Variants in AIMP1 observed in about 807,000 individuals in gnomAD.
The protein encoded by AIMP1 is aminoacyl tRNA synthase complex-interacting multifunctional protein 1.
A neutral mutation model predicts 33.1 loss-of-function variants in AIMP1; 24 were observed. The observed-to-expected ratio is 0.73, with a 90% CI of 0.53 to 1.02. The LOEUF (loss-of-function observed/expected upper bound fraction) is 1.02, where lower values mean the gene tolerates loss of function less well. Among genes scored for constraint, AIMP1 ranks in the 50% least tolerant of loss-of-function variants. AIMP1 has a pLI of 0.00. For synonymous variants in AIMP1, 120 were observed against 121.5 expected, an observed-to-expected ratio of 0.99 and a Z score of 0.08; for missense variants, 367 against 364.8, an observed-to-expected ratio of 1.01 and a Z score of -0.05.
At position 106,316,594 on chromosome 4, in the gene AIMP1, T is replaced by G. The variant is rs1421886910; in HGVS notation, c.-26T>G. ...TCGGAACCCGTGGTCCTCCGCTTCATGTGAGTGACGTCGTGGCGGGTCACT... is the reference window on the plus strand; with the variant it reads ...TCGGAACCCGTGGTCCTCCGCTTCAGGTGAGTGACGTCGTGGCGGGTCACT... On this transcript the variant is annotated splice_region_variant and 5_prime_UTR_variant, in exon 1 of 7. The change abolishes an upstream ATG in the 5' untranslated region. Coordinates refer to ENST00000672341, the MANE Select transcript of AIMP1 (RefSeq NM_001142416.2). 1.3e-5 allele frequency: 20 copies of G among 1,551,388 alleles called. No homozygotes were observed. The highest frequency in any genetic ancestry group is 1.7e-5 in the Non-Finnish European group (20 of 1,146,902).
intron 1 of AIMP1, among the ~76,000 whole-genome samples, chr4:106,320,180 TCA>T (rs1208883235): frequency 1.1e-4 from 17 of 152,264 alleles, no homozygotes; most frequent in African/African-American, 4.1e-4. Context: ...AATTGAAAAA[TCA>T]CAGGGGAGTA....
chr4:106,319,321 C>T (rs1579624417), intron 1 of AIMP1, among the ~76,000 whole-genome samples: 1 of 152,138 alleles, frequency 6.6e-6, no homozygotes, highest in East Asian at 1.9e-4. Context: ...GCTCAGTAAA[C>T]AAAAATGATA....
chr4:106,315,552 C>T (rs1003664665), upstream of AIMP1: 1 of 152,242 alleles, frequency 6.6e-6, no homozygotes, highest in Admixed American at 6.5e-5. Flanking sequence ...TCACTTTCTC[C>T]TACTGCTCAA....
chr4:106,321,978 C>T (rs1179486617), intron 1 of AIMP1, among the ~76,000 whole-genome samples: 1 of 131,524 alleles, frequency 7.6e-6, no homozygotes, highest in Non-Finnish European at 1.7e-5. Context: ...GTGCTGTGTC[C>T]GCTAAGGGTT....
rs976250470 is a variant in AIMP1, at chr4:106,331,891, G to A, written c.603+8G>A. The A allele has an allele frequency of 1.2e-6, 2 of 1,612,376 alleles. No individual in the cohort carries two copies. The highest frequency in any genetic ancestry group is 3.3e-5 in the Admixed American group (2 of 60,004). The stretch of plus-strand genomic sequence containing the variant: ...CATGTTCCTCTTGAACAGGTAATCT[G>A]TACAACTGAAATTCCTGTTGTGTAC... On this transcript the variant is annotated splice_region_variant and intron_variant, in intron 5 of 6. Transcript: ENST00000672341.
chr4:106,344,599 A>G (rs1770224375), intron 6 of AIMP1, among the ~76,000 whole-genome samples: 1 of 152,130 alleles, frequency 6.6e-6, no homozygotes, highest in Non-Finnish European at 1.5e-5. Flanking sequence ...TCTTCCATTT[A>G]TTTTCAATTA....
Position 106,328,068 on chromosome 4 carries a change from TGTCTCA to T in AIMP1, c.224-5_224del. 1.2e-6 allele frequency: 2 copies of T among 1,610,900 alleles called. No individual in the cohort carries two copies. The highest frequency in any genetic ancestry group is 2.7e-5 in the African/African-American group (2 of 74,972). On this transcript the variant is annotated splice_acceptor_variant and splice_polypyrimidine_tract_variant and intron_variant, in intron 3 of 6. Transcript: ENST00000672341. LOFTEE classifies it high-confidence loss of function. ...ATATGAATGACATTATTTCATTTTCTGTCTCAGTGAAGCAAATACCATTTCCATCTG... is the reference window on the plus strand; with the variant it reads ...ATATGAATGACATTATTTCATTTTCTGTGAAGCAAATACCATTTCCATCTG...
At chr4:106,321,236 C>G (rs1046742372) in intron 1 of AIMP1, 1 of 159,750 alleles carries the variant, frequency 6.3e-6, no homozygotes, top group African/African-American at 2.4e-5. Context: ...GCCCCTCTGC[C>G]CGGCCGCCCA....
At chr4:106,325,279 G>T (rs952028722) in intron 2 of AIMP1, among the ~76,000 whole-genome samples, 161 bp downstream of exon 2, 1 of 152,062 alleles carries the variant, frequency 6.6e-6, no homozygotes, top group Non-Finnish European at 1.5e-5. Context: ...CAGGACTTCA[G>T]TTGGCTTTGG....
chr4:106,340,816 T>C (rs1367052976), intron 6 of AIMP1, among the ~76,000 whole-genome samples: 1 of 152,232 alleles, frequency 6.6e-6, no homozygotes, highest in African/African-American at 2.4e-5. Flanking sequence ...AGTAATGGGA[T>C]TGCTAGGTCA....
At position 106,331,712 on chromosome 4, in the gene AIMP1, T is replaced by A. The variant is rs777733916; in HGVS notation, c.432T>A (p.Ser144Arg). ...KEKKQQSIAGSADSKPIDVSR... is the reference protein window; with the variant it reads ...KEKKQQSIAGRADSKPIDVSR... ...AAAAACAGCAATCAATAGCTGGAAG[T>A]GCCGACTCTAAGCCAATAGATGTTT... The change falls in exon 5 of 7, where the codon AGT becomes AGA. Residue 144 changes from serine to arginine, a missense_variant. Physicochemically the swap from Ser to Arg is moderately radical, Grantham distance 110. Transcript: ENST00000672341. 1.1e-5 allele frequency: 17 copies of A among 1,614,020 alleles called. No individual in the cohort carries two copies. Among genetic ancestry groups the A allele is most frequent in the Admixed American group, 8.3e-5 (5 of 59,994 alleles).
chr4:106,334,286 T>G (rs1380661123), intron 5 of AIMP1, among the ~76,000 whole-genome samples: 1 of 151,552 alleles, frequency 6.6e-6, no homozygotes, highest in East Asian at 1.9e-4. Context: ...CTTTTTTTTT[T>G]TTTTTGGAGA....
At position 106,336,967 on chromosome 4, in the gene AIMP1, G is replaced by A; in HGVS notation, c.702G>A (p.Glu234=). The A allele has an allele frequency of 6.2e-7, 1 of 1,614,106 alleles. No homozygotes were observed. The change falls in exon 6 of 7, where the codon GAG becomes GAA. Residue 234 remains glutamate, a synonymous_variant. Transcript: ENST00000672341. The stretch of plus-strand genomic sequence containing the variant: ...TGGTCATGTGTGCTAGTTCACCAGA[G>A]AAAATTGAAATCTTGGCTCCTCCAA... ...QAMVMCASSP[E]KIEILAPPNG... is the part of the protein sequence containing the mutation.
intron 5 of AIMP1, among the ~76,000 whole-genome samples, chr4:106,334,938 A>C (rs1769817898): frequency 6.6e-6 from 1 of 152,192 alleles, no homozygotes; most frequent in South Asian, 2.1e-4. Flanking sequence ...AAGTCATGGG[A>C]GATGAAATCA....
intron 6 of AIMP1, among the ~76,000 whole-genome samples, chr4:106,343,205 G>C (rs1202321092): frequency 6.6e-6 from 1 of 152,112 alleles, no homozygotes; most frequent in African/African-American, 2.4e-5. Flanking sequence ...TCTAATTTGT[G>C]TGCAAAGAGA....
At chr4:106,338,688 A>C (rs934618333) in intron 6 of AIMP1, among the ~76,000 whole-genome samples, 2 of 152,180 alleles carry the variant, frequency 1.3e-5, no homozygotes, top group Admixed American at 6.5e-5. Flanking sequence ...GGACCCCCCC[A>C]CACACAGAAT....
chr4:106,323,641 A>G (rs986885421), intron 1 of AIMP1, among the ~76,000 whole-genome samples: 1 of 150,818 alleles, frequency 6.6e-6, no homozygotes, highest in African/African-American at 2.4e-5. Flanking sequence ...TCTGAATTTT[A>G]GTATCCTGAG....
At chr4:106,329,887 G>C (rs1302440142) in intron 4 of AIMP1, among the ~76,000 whole-genome samples, 1 of 139,164 alleles carries the variant, frequency 7.2e-6, no homozygotes, top group Non-Finnish European at 1.5e-5. Flanking sequence ...CCGGGTTCAA[G>C]CAATTCTATC....
chr4:106,316,093 A>C (rs1383208140), upstream of AIMP1: 2 of 154,938 alleles, frequency 1.3e-5, no homozygotes, highest in African/African-American at 4.8e-5. Context: ...GAACGCCGGG[A>C]GCTCAGACGC....
Sources: allele counts gnomAD v4.1 joint callset (sites outside exome capture counted in the v4.1 genomes callset), GRCh38; gene constraint gnomAD v4.1.1; transcripts MANE v1.5; gene names NCBI Gene and HGNC (gene_info 2026-07-23, HGNC 2026-07-21).